Variants in KLRG1 observed in about 807,000 individuals in gnomAD.
The protein encoded by KLRG1 is killer cell lectin like receptor G1.
A neutral mutation model predicts 21.8 loss-of-function variants in KLRG1; 16 were observed. That is an observed-to-expected ratio of 0.73 (90% CI 0.50 to 1.11). The LOEUF (loss-of-function observed/expected upper bound fraction) is 1.11. Ranked by LOEUF, KLRG1 falls within the 50% of genes most tolerant of loss-of-function variation. The probability of loss-of-function intolerance (pLI) is 0.00; values close to 1 mark genes in which losing one functional copy is unlikely to be tolerated. For synonymous variants in KLRG1, 69 were observed against 75.9 expected (o/e 0.91, Z 0.47); for missense variants, 173 against 218.3 (o/e 0.79, Z 1.31).
the KLRG1 span, chr12:9,157,135 G>C: frequency 6.3e-7 from 1 of 1,579,234 alleles, no homozygotes; most frequent in Non-Finnish European, 8.6e-7. Context: ...CTGTGTCTAT[G>C]TGTTCTCATT....
the KLRG1 span, chr12:9,156,340 C>T: frequency 1.5e-5 from 3 of 203,314 alleles, no homozygotes; most frequent in African/African-American, 2.3e-5. Context: ...CCATCTTCCC[C>T]TCCACCTCCA....
chr12:8,955,076 C>G (rs1287364548), intron 1 of KLRG1, among the ~76,000 whole-genome samples: 2 of 152,006 alleles, frequency 1.3e-5, no homozygotes, highest in African/African-American at 4.8e-5. Context: ...GCCATCATGT[C>G]TGGCTAATTT....
At chr12:9,092,190 C>T in the KLRG1 span, among the ~76,000 whole-genome samples, 1 of 152,128 alleles carries the variant, frequency 6.6e-6, no homozygotes, top group Non-Finnish European at 1.5e-5. Flanking sequence ...CCTCCTTCCC[C>T]TGGCTCGCCC....
chr12:9,101,893 T>C, the KLRG1 span, among the ~76,000 whole-genome samples: 1 of 152,262 alleles, frequency 6.6e-6, no homozygotes, highest in African/African-American at 2.4e-5. Context: ...GATTGAGATT[T>C]ATATTTCTTA....
At chr12:9,201,944 A>G in the KLRG1 span, among the ~76,000 whole-genome samples, 1 of 152,134 alleles carries the variant, frequency 6.6e-6, no homozygotes, top group Non-Finnish European at 1.5e-5. Context: ...AAATTATAAT[A>G]TGGTCTATTG....
At chr12:9,182,424 ATATG>A in the KLRG1 span, among the ~76,000 whole-genome samples, 1 of 151,858 alleles carries the variant, frequency 6.6e-6, no homozygotes, top group East Asian at 1.9e-4. Flanking sequence ...TTCTGCATAT[ATATG>A]TGACAACTAT....
chr12:9,147,986 C>A, the KLRG1 span, among the ~76,000 whole-genome samples: 1 of 151,970 alleles, frequency 6.6e-6, no homozygotes, highest in East Asian at 1.9e-4. Flanking sequence ...ATTCTTGCCT[C>A]TTCTCAAATA....
intron 1 of KLRG1, among the ~76,000 whole-genome samples, chr12:8,957,258 C>T (rs1946310404): frequency 1.3e-5 from 2 of 152,156 alleles, no homozygotes; most frequent in South Asian, 4.1e-4. Flanking sequence ...TGTTCCAAGG[C>T]CCCTGCTGTA....
At chr12:9,035,186 T>C in the KLRG1 span, among the ~76,000 whole-genome samples, 1 of 152,152 alleles carries the variant, frequency 6.6e-6, no homozygotes, top group Admixed American at 6.6e-5. Context: ...AGAACTACCT[T>C]GGAACCAACC....
intron 1 of KLRG1, 138 bp from the exon 2 acceptor site, chr12:8,992,068 A>G (rs1426046401): frequency 1.5e-6 from 1 of 650,992 alleles, no homozygotes; most frequent in East Asian, 2.7e-5. Flanking sequence ...TGACACATCT[A>G]GAAAAGGAAT....
At chr12:8,988,674 G>C (rs968822124), upstream of KLRG1, among the ~76,000 whole-genome samples, 9 of 151,898 alleles carry the variant, frequency 5.9e-5, no homozygotes, top group Admixed American at 5.9e-4. Context: ...TCCGCCTCCC[G>C]GTTTCAAGCC....
intron 1 of KLRG1, among the ~76,000 whole-genome samples, chr12:8,950,575 C>G (rs1037651110): frequency 6.6e-6 from 1 of 152,166 alleles, no homozygotes; most frequent in Non-Finnish European, 1.5e-5. Flanking sequence ...CTGGCTTTAG[C>G]ATGTTTTCAT....
the KLRG1 span, chr12:9,057,831 C>A: frequency 4.0e-4 from 61 of 152,280 alleles, no homozygotes; most frequent in African/African-American, 1.4e-3. Context: ...TAATAGGATT[C>A]ATTCTCTAAT....
chr12:9,027,628 G>A, the KLRG1 span: 1 of 878,758 alleles, frequency 1.1e-6, no homozygotes. Context: ...CCACCACAGG[G>A]GCCAGAGCTT....
the KLRG1 span, chr12:9,072,470 T>G: frequency 6.2e-7 from 1 of 1,611,966 alleles, no homozygotes; most frequent in Non-Finnish European, 8.5e-7. Context: ...TGGGAGAATA[T>G]TGTATTTCAA....
chr12:9,108,226 T>C, the KLRG1 span, among the ~76,000 whole-genome samples: 18 of 152,040 alleles, frequency 1.2e-4, no homozygotes, highest in Non-Finnish European at 2.4e-4. Flanking sequence ...CCTGGGTTCA[T>C]GCCATTCTCC....
At chr12:9,019,344 G>A in the KLRG1 span, among the ~76,000 whole-genome samples, 1 of 152,178 alleles carries the variant, frequency 6.6e-6, no homozygotes, top group Non-Finnish European at 1.5e-5. Flanking sequence ...TACAACCACT[G>A]TGGACAACAA....
intron 2 of KLRG1, among the ~76,000 whole-genome samples, chr12:8,994,280 G>A (rs1383816188): frequency 6.6e-6 from 1 of 152,086 alleles, no homozygotes; most frequent in Non-Finnish European, 1.5e-5. Flanking sequence ...TGGCTAGACT[G>A]ATCTTGAACT....
the KLRG1 span, chr12:9,157,728 A>G: frequency 3.8e-6 from 6 of 1,570,854 alleles, no homozygotes; most frequent in Non-Finnish European, 5.3e-6. Context: ...GCAAATCTAC[A>G]GTTTTCATGG....
Sources: allele counts gnomAD v4.1 joint callset (sites outside exome capture counted in the v4.1 genomes callset), GRCh38; gene constraint gnomAD v4.1.1; transcripts MANE v1.5; gene names NCBI Gene and HGNC (gene_info 2026-07-23, HGNC 2026-07-21).